ST3GAL2: variants seen among roughly 807,000 people sequenced by gnomAD.
The protein encoded by ST3GAL2 is CMP-N-acetylneuraminate-beta-galactosamide-alpha-2,3-sialyltransferase 2.
ST3GAL2 carries 16 observed loss-of-function variants against 37.5 expected under a neutral mutation model. That is an observed-to-expected ratio of 0.43 (90% CI 0.29 to 0.65). The LOEUF is 0.65. ST3GAL2 is among the 30% of genes least tolerant of loss of function. The pLI, the probability that ST3GAL2 is intolerant of heterozygous loss-of-function variation, is 0.17. For missense variants in ST3GAL2, 383 were observed against 487.8 expected, an observed-to-expected ratio of 0.79 and a Z score of 2.02; for synonymous variants, 238 against 202.9, an observed-to-expected ratio of 1.17 and a Z score of -1.47.
At chr16:70,382,048 CTCCT>C (rs912292091) in intron 6 of ST3GAL2, among the ~76,000 whole-genome samples, 186 bp from the exon 7 acceptor site, 10 of 146,314 alleles carry the variant, frequency 6.8e-5, no homozygotes, top group African/African-American at 1.3e-4. Context: ...TTGCAAATTC[CTCCT>C]TTTTTTTTTT....
intron 1 of ST3GAL2, among the ~76,000 whole-genome samples, chr16:70,426,001 T>A (rs1486809126): frequency 1.3e-5 from 2 of 151,692 alleles, no homozygotes; most frequent in Non-Finnish European, 2.9e-5. Context: ...ACCATCAGAG[T>A]CCCCCAACCA....
chr16:70,418,352 C>A (rs1441233032), intron 1 of ST3GAL2, among the ~76,000 whole-genome samples: 1 of 152,152 alleles, frequency 6.6e-6, no homozygotes, highest in Non-Finnish European at 1.5e-5. Context: ...GTCAGGGCTC[C>A]TTGGCTTTGA....
chr16:70,384,243 C>T (rs1305057519), intron 4 of ST3GAL2, among the ~76,000 whole-genome samples: 2 of 152,050 alleles, frequency 1.3e-5, no homozygotes, highest in African/African-American at 4.8e-5. Flanking sequence ...AACGGATAAA[C>T]AAAATGGGTA....
In ST3GAL2 at chr16:70,398,260, C is replaced by T. The variant is rs150386946; in HGVS notation, c.271G>A (p.Gly91Ser). Residue 91 changes from glycine (G) to serine (S), a missense_variant, in exon 2 of 7, where the codon GGT becomes AGT. Gly to Ser is a moderately conservative substitution (Grantham distance 56). This residue lies in a region of ST3GAL2 where 223 missense variants were observed against 239.1 expected (regional missense o/e 0.93). Transcript: ENST00000342907. ...CGGGTCCAGACGGGGGAAATGTTAC[C>T]GTCAAAGTGGCTGTCAAACCAGTCG... ...ASDWFDSHFD[G>S]NISPVWTREN... 36 of 1,613,322 alleles carry T rather than the reference C, an allele frequency of 2.2e-5. No homozygotes were observed. Among genetic ancestry groups the T allele is most frequent in the Non-Finnish European group, 2.8e-5 (33 of 1,180,040 alleles).
At chr16:70,435,709 G>A (rs750606980) in intron 1 of ST3GAL2, among the ~76,000 whole-genome samples, 37 of 150,290 alleles carry the variant, frequency 2.5e-4, no homozygotes, top group Non-Finnish European at 4.4e-4. Context: ...CAGGAGAATC[G>A]CTTGAACCTG....
intron 3 of ST3GAL2, chr16:70,393,773 T>C (rs2047497506): frequency 6.6e-6 from 1 of 152,224 alleles, no homozygotes; most frequent in African/African-American, 2.4e-5. Flanking sequence ...TTGCACCATT[T>C]CCCAACATGA....
chr16:70,409,263 T>C (rs991748359), intron 1 of ST3GAL2, among the ~76,000 whole-genome samples: 1 of 152,046 alleles, frequency 6.6e-6, no homozygotes, highest in African/African-American at 2.4e-5. Flanking sequence ...TGAGACCTCA[T>C]CTCTATTTTA....
chr16:70,382,532 C>T (rs2047413354), intron 6 of ST3GAL2, among the ~76,000 whole-genome samples: 1 of 152,184 alleles, frequency 6.6e-6, no homozygotes, highest in Non-Finnish European at 1.5e-5. Flanking sequence ...AATCCGCCCG[C>T]CTCAGCTTCC....
chr16:70,385,985 G>T (rs140997869), intron 4 of ST3GAL2, among the ~76,000 whole-genome samples: 1 of 151,958 alleles, frequency 6.6e-6, no homozygotes, highest in Non-Finnish European at 1.5e-5. Context: ...GGGATTACAG[G>T]TGTGAGCCAC....
intron 1 of ST3GAL2, among the ~76,000 whole-genome samples, chr16:70,404,355 G>A (rs1316609177): frequency 6.6e-6 from 1 of 152,292 alleles, no homozygotes. Context: ...AGTAAGGCGA[G>A]GACTGAGAAC....
Position 70,376,662 on chromosome 16 carries a change from G to A in ST3GAL2, c.*5027C>T, listed in dbSNP as rs1349038399. 1 of 152,128 alleles carries A rather than the reference G, an allele frequency of 6.6e-6. No homozygotes were observed. Among genetic ancestry groups the A allele is most frequent in the Non-Finnish European group, 1.5e-5 (1 of 68,022 alleles). 9.4% of individuals were successfully genotyped at this position (152,128 alleles called of 1,614,324 possible). On this transcript the variant is annotated 3_prime_UTR_variant, in exon 7 of 7. Transcript: ENST00000342907. ...TTTTATTTTTAAAAATATAGTTTCA[G>A]TATTTTACCTTCCCTGATGCCTCTG...
At chr16:70,395,268 C>G in intron 2 of ST3GAL2, 93 bp from the exon 3 acceptor site, 1 of 1,226,846 alleles carries the variant, frequency 8.2e-7, no homozygotes, top group Non-Finnish European at 1.1e-6. Context: ...CCTCACTATC[C>G]TGTGTCTGGG....
At chr16:70,394,785 T>A (rs555225725) in intron 3 of ST3GAL2, among the ~76,000 whole-genome samples, 197 bp downstream of exon 3, 1 of 152,304 alleles carries the variant, frequency 6.6e-6, no homozygotes, top group Admixed American at 6.5e-5. Flanking sequence ...AAAGCTTAGA[T>A]TTGGGATTCT....
Position 70,381,590 on chromosome 16 carries a change from G to C in ST3GAL2, c.*99C>G. 4.2e-6 allele frequency: 6 copies of C among 1,443,008 alleles called. No homozygotes were observed. The South Asian group carries it at 5.3e-5, about 13-fold the overall frequency. 89.4% of individuals were successfully genotyped at this position (1,443,008 alleles called of 1,614,324 possible). On this transcript the variant is annotated 3_prime_UTR_variant, in exon 7 of 7. Transcript: ENST00000342907. The stretch of plus-strand genomic sequence containing the variant: ...TTGGCGGGGCACAGCAGACGCCCCT[G>C]GGCTGCAGCATGATTGGTCGCGGGT...
At chr16:70,386,067 C>T (rs773573506) in intron 4 of ST3GAL2, among the ~76,000 whole-genome samples, 38 of 152,100 alleles carry the variant, frequency 2.5e-4, no homozygotes, top group Non-Finnish European at 3.1e-4. Context: ...TGTCGTCAGG[C>T]TTGAATGCAG....
intron 4 of ST3GAL2, among the ~76,000 whole-genome samples, chr16:70,383,776 G>A (rs2047422992): frequency 6.6e-6 from 1 of 151,758 alleles, no homozygotes; most frequent in Non-Finnish European, 1.5e-5. Context: ...CTTCTGGACT[G>A]CTCTCCCGTG....
chr16:70,407,297 C>T (rs1031140909), intron 1 of ST3GAL2, among the ~76,000 whole-genome samples: 1 of 152,074 alleles, frequency 6.6e-6, no homozygotes, highest in Admixed American at 6.6e-5. Context: ...CGTGCCACCA[C>T]GCCCAGCTAA....
At chr16:70,402,344 G>C (rs1340958418) in intron 1 of ST3GAL2, among the ~76,000 whole-genome samples, 1 of 142,830 alleles carries the variant, frequency 7.0e-6, no homozygotes, top group Non-Finnish European at 1.5e-5. Context: ...GTACCATATA[G>C]TAAAATGAAT....
chr16:70,385,068 G>C (rs554362758), intron 4 of ST3GAL2, among the ~76,000 whole-genome samples: 11 of 152,260 alleles, frequency 7.2e-5, no homozygotes, highest in Admixed American at 6.5e-4. Flanking sequence ...CACTTTGGGA[G>C]GCTGAGGCGG....
Sources: gnomAD v4.1 joint callset for allele counts (sites outside exome capture counted in the v4.1 genomes callset) on GRCh38, gnomAD v4.1.1 for gene constraint, gnomAD v4.1.1 regional missense constraint, MANE v1.5 for transcripts, NCBI Gene and HGNC (gene_info 2026-07-23, HGNC 2026-07-21) for gene names.